CNTNAP5: variants seen among roughly 807,000 people sequenced by gnomAD.
CNTNAP5 encodes contactin associated protein family member 5, also known as contactin-associated protein-like 5.
A neutral mutation model predicts 150.2 loss-of-function variants in CNTNAP5; 72 were observed. That is an observed-to-expected ratio of 0.48 (90% confidence interval 0.40 to 0.58). The LOEUF (loss-of-function observed/expected upper bound fraction) is 0.58. Ranked by LOEUF, CNTNAP5 falls within the 20% of genes least tolerant of loss-of-function variation. The pLI, the probability that CNTNAP5 is intolerant of heterozygous loss-of-function variation, is 0.00. For synonymous variants in CNTNAP5, 672 were observed against 619.8 expected (o/e 1.08, Z -1.25); for missense variants, 1,636 against 1,626.2 (o/e 1.01, Z -0.10).
At chr2:124,469,281 T>C in intron 6 of CNTNAP5, among the ~76,000 whole-genome samples, 1 of 152,310 alleles carries the variant, frequency 6.6e-6, no homozygotes, top group African/African-American at 2.4e-5. Context: ...ATATTTTCAA[T>C]AGCACTGTGT....
At chr2:124,604,870 T>C (rs1443927350) in intron 11 of CNTNAP5, among the ~76,000 whole-genome samples, 2 of 152,148 alleles carry the variant, frequency 1.3e-5, no homozygotes, top group Non-Finnish European at 1.5e-5. Flanking sequence ...AATAAACATT[T>C]ATTTTATGTT....
intron 7 of CNTNAP5, among the ~76,000 whole-genome samples, chr2:124,493,037 T>C (rs1391309168): frequency 6.6e-6 from 1 of 152,162 alleles, no homozygotes; most frequent in Non-Finnish European, 1.5e-5. Flanking sequence ...GTTTGTCTTG[T>C]TTCTGATGTT....
chr2:124,413,868 A>C (rs1395437299), intron 3 of CNTNAP5, among the ~76,000 whole-genome samples: 5 of 146,466 alleles, frequency 3.4e-5, no homozygotes, highest in Non-Finnish European at 7.4e-5. Flanking sequence ...GTACCCTAAA[A>C]CTTAAAGTAT....
At chr2:124,300,197 C>T (rs1172443366) in intron 3 of CNTNAP5, among the ~76,000 whole-genome samples, 5 of 152,168 alleles carry the variant, frequency 3.3e-5, no homozygotes, top group Non-Finnish European at 5.9e-5. Flanking sequence ...TGAGTATCCA[C>T]CTGTCTTTGA....
chr2:124,206,668 G>A (rs1397922886), intron 1 of CNTNAP5, among the ~76,000 whole-genome samples: 5 of 152,122 alleles, frequency 3.3e-5, no homozygotes, highest in East Asian at 3.9e-4. Context: ...ATGGGCCAGC[G>A]GCATCAGAGG....
rs764272744 is a variant in CNTNAP5 at position 124,569,867 on chromosome 2, A to T, written c.1756+6544A>T. On this transcript the variant is annotated intron_variant, in intron 11 of 23. Transcript: ENST00000682447. ...ATGTTATAGTAATCATTGCAGAGGG[A>T]CAACACTTGCTTTAACAGTAGGTAA... Among the ~76,000 whole-genome samples, 91 of 152,310 alleles carry T rather than the reference A, an allele frequency of 6.0e-4. 1 individual carries two copies. The highest frequency in any genetic ancestry group is 2.0e-3 in the African/African-American group (85 of 41,584).
intron 1 of CNTNAP5, among the ~76,000 whole-genome samples, chr2:124,173,194 C>T (rs1398177338): frequency 2.0e-5 from 3 of 152,204 alleles, no homozygotes; most frequent in Non-Finnish European, 4.4e-5. Context: ...CCCTATCTCA[C>T]TCCCTCTCCT....
chr2:124,464,630 G>A (rs571317072), intron 6 of CNTNAP5, among the ~76,000 whole-genome samples: 1 of 152,268 alleles, frequency 6.6e-6, no homozygotes, highest in Admixed American at 6.5e-5. Context: ...GCAAGATTTG[G>A]AAAGCCATCG....
At chr2:124,041,842 A>T (rs1310921442) in intron 1 of CNTNAP5, among the ~76,000 whole-genome samples, 2 of 135,396 alleles carry the variant, frequency 1.5e-5, no homozygotes, top group South Asian at 2.6e-4. Flanking sequence ...TTTATGCATC[A>T]TGATGTGTCA....
At position 124,257,692 on chromosome 2, in the gene CNTNAP5, A is replaced by G. The variant is rs146822627; in HGVS notation, c.381+15299A>G. On this transcript the variant is annotated intron_variant, in intron 3 of 23. Coordinates refer to ENST00000682447, the MANE Select transcript of CNTNAP5 (RefSeq NM_001367498.1). Reference sequence around the variant, plus strand: ...GGGTCATCTCTTCGGACTTGGAACAATTCTTCTCTAGATTTGGTTATAATC... The same window carrying G: ...GGGTCATCTCTTCGGACTTGGAACAGTTCTTCTCTAGATTTGGTTATAATC... Among the ~76,000 whole-genome samples, 1,054 of 152,002 alleles carry G rather than the reference A, an allele frequency of 6.9e-3. 16 individuals are homozygous for G. Among genetic ancestry groups the G allele is most frequent in the African/African-American group, 0.023 (973 of 41,468 alleles).
chr2:124,535,218 T>G (rs976195877), intron 10 of CNTNAP5, among the ~76,000 whole-genome samples: 1 of 152,144 alleles, frequency 6.6e-6, no homozygotes, highest in Non-Finnish European at 1.5e-5. Context: ...CCCCCAGCTC[T>G]GGTTGTGCAC....
intron 1 of CNTNAP5, among the ~76,000 whole-genome samples, chr2:124,171,979 G>A (rs1229460143): frequency 6.6e-6 from 1 of 152,160 alleles, no homozygotes; most frequent in Non-Finnish European, 1.5e-5. Context: ...GAATGATTTA[G>A]GAATTAAGGC....
chr2:124,707,150 G>GA (rs1166508588), intron 13 of CNTNAP5, among the ~76,000 whole-genome samples: 886 of 43,508 alleles, frequency 0.02, 52 homozygotes, highest in African/African-American at 0.048. Context: ...GGAAGAAGAA[G>GA]AAGAAGAAGA....
intron 13 of CNTNAP5, among the ~76,000 whole-genome samples, chr2:124,717,729 T>G (rs1003002304): frequency 6.6e-6 from 1 of 152,184 alleles, no homozygotes; most frequent in Admixed American, 6.5e-5. Flanking sequence ...GTAAGCTATA[T>G]TGGCCTGAAC....
At chr2:124,061,686 C>T (rs1682014332) in intron 1 of CNTNAP5, among the ~76,000 whole-genome samples, 1 of 152,092 alleles carries the variant, frequency 6.6e-6, no homozygotes, top group African/African-American at 2.4e-5. Flanking sequence ...AAAAAAATAG[C>T]ACAGTTAAAA....
At chr2:124,181,861 A>G (rs189591244) in intron 1 of CNTNAP5, among the ~76,000 whole-genome samples, 1 of 152,192 alleles carries the variant, frequency 6.6e-6, no homozygotes, top group Non-Finnish European at 1.5e-5. Context: ...TAATTATGTG[A>G]CAGACTAATC....
At chr2:124,665,559 A>C (rs902745624) in intron 13 of CNTNAP5, among the ~76,000 whole-genome samples, 1 of 152,178 alleles carries the variant, frequency 6.6e-6, no homozygotes, top group Admixed American at 6.5e-5. Flanking sequence ...ATACGTGTGG[A>C]TAAAACTGTC....
At chr2:124,306,691 T>C (rs573280079) in intron 3 of CNTNAP5, among the ~76,000 whole-genome samples, 6 of 151,712 alleles carry the variant, frequency 4.0e-5, no homozygotes, top group Admixed American at 1.3e-4. Flanking sequence ...GTCATGTATT[T>C]GCAAACTTGG....
At chr2:124,392,507 T>G (rs1479788249) in intron 3 of CNTNAP5, among the ~76,000 whole-genome samples, 2 of 151,918 alleles carry the variant, frequency 1.3e-5, no homozygotes, top group Non-Finnish European at 2.9e-5. Context: ...GGCAGCTTCA[T>G]TGGGAATTAA....
Sources: gnomAD v4.1 joint callset for allele counts (sites outside exome capture counted in the v4.1 genomes callset) on GRCh38, gnomAD v4.1.1 for gene constraint, MANE v1.5 for transcripts, NCBI Gene and HGNC (gene_info 2026-07-23, HGNC 2026-07-21) for gene names.